Variants in COL23A1 observed in about 807,000 individuals in gnomAD.
COL23A1 encodes the protein collagen alpha-1(XXIII) chain.
Under a neutral mutation model 99.3 loss-of-function variants are expected in COL23A1, and 97 were observed. The observed-to-expected ratio is 0.98, with a 90% CI of 0.83 to 1.16. The LOEUF (loss-of-function observed/expected upper bound fraction) is 1.16, where lower values mean the gene tolerates loss of function less well. COL23A1 is among the 50% of genes most tolerant of loss of function. The probability of loss-of-function intolerance (pLI) is 0.00; values close to 1 mark genes in which losing one functional copy is unlikely to be tolerated. For synonymous variants in COL23A1, 320 were observed against 308.2 expected (o/e 1.04, Z -0.40); for missense variants, 762 against 757.4 (o/e 1.01, Z -0.07).
intron 2 of COL23A1, among the ~76,000 whole-genome samples, chr5:178,356,103 C>G: frequency 6.6e-6 from 1 of 152,272 alleles, no homozygotes; most frequent in East Asian, 1.9e-4. Flanking sequence ...CAGTGACAGA[C>G]GCAGGCACAG....
intron 5 of COL23A1, among the ~76,000 whole-genome samples, chr5:178,279,381 C>G (rs949392288): frequency 2.6e-5 from 4 of 152,228 alleles, no homozygotes; most frequent in Admixed American, 2.6e-4. Flanking sequence ...CCTTCCTGAC[C>G]GGAGGATGTG....
rs796874676 is a variant in COL23A1 at position 178,530,460 on chromosome 5, C to CA, written c.361+30221dup. Among the ~76,000 whole-genome samples the CA allele has an allele frequency of 2.3e-4, 35 of 150,184 alleles. 1 individual carries two copies. The highest frequency in any genetic ancestry group is 1.2e-3 in the East Asian group (6 of 5,144). ...CTGGGTGACAGAGAAAGACCTGTTTCAAAAAAAAAGGCAGAGTCTAACTTC... is the reference window on the plus strand; with the variant it reads ...CTGGGTGACAGAGAAAGACCTGTTTCAAAAAAAAAAGGCAGAGTCTAACTTC... On this transcript the variant is annotated intron_variant, in intron 2 of 28. Coordinates refer to ENST00000390654, the MANE Select transcript of COL23A1 (RefSeq NM_173465.4).
intron 2 of COL23A1, among the ~76,000 whole-genome samples, chr5:178,501,718 C>T (rs1758546467): frequency 6.6e-6 from 1 of 152,236 alleles, no homozygotes; most frequent in Admixed American, 6.5e-5. Context: ...AACACCCCTG[C>T]TGGGGTAGCC....
rs2127604887 is a variant in COL23A1, at chr5:178,307,105, C to T, written c.362-186G>A. ...AAACCCCTTCCTTCTGCCACTACCTCGCCTGTTCCGCCAACCCCCCTCCCC... is the reference window on the plus strand; with the variant it reads ...AAACCCCTTCCTTCTGCCACTACCTTGCCTGTTCCGCCAACCCCCCTCCCC... On this transcript the variant is annotated intron_variant, in intron 2 of 28. Transcript: ENST00000390654. This position sits in a 1 kb window ranked among gnomAD's most constrained non-coding sequence, Gnocchi z 4.2. Among the ~76,000 whole-genome samples the T allele has an allele frequency of 6.6e-6, 1 of 152,200 alleles. No homozygotes were observed. The highest frequency in any genetic ancestry group is 1.5e-5 in the Non-Finnish European group (1 of 67,998).
chr5:178,425,421 CAAAA>C (rs1371708104), intron 2 of COL23A1, among the ~76,000 whole-genome samples: 19 of 122,742 alleles, frequency 1.5e-4, no homozygotes, highest in South Asian at 2.6e-4. Context: ...GACTCCATCT[CAAAA>C]TAAATAAATA....
intron 2 of COL23A1, among the ~76,000 whole-genome samples, chr5:178,519,108 C>T (rs1759798640): frequency 6.6e-6 from 1 of 152,070 alleles, no homozygotes; most frequent in African/African-American, 2.4e-5. Flanking sequence ...GACCCCAGCC[C>T]GCGGCGCCTT....
At chr5:178,412,043 T>G (rs931145694) in intron 2 of COL23A1, among the ~76,000 whole-genome samples, 9 of 152,230 alleles carry the variant, frequency 5.9e-5, no homozygotes, top group Non-Finnish European at 1.0e-4. Flanking sequence ...AGTTTTTCCT[T>G]ATAAACACAC....
At chr5:178,353,065 A>G (rs1761418209) in intron 2 of COL23A1, among the ~76,000 whole-genome samples, 1 of 152,210 alleles carries the variant, frequency 6.6e-6, no homozygotes, top group African/African-American at 2.4e-5. Context: ...ATCCTCAGAT[A>G]TACTTCCACA....
At position 178,257,587 on chromosome 5, in the gene COL23A1, G is replaced by A. The variant is rs1399399971; in HGVS notation, c.730-20C>T. ...GTCGCCCTGAGGAGAGGACACCTGG[G>A]GCTTGCCGGTCAGACCCTCGGGTGG... On this transcript the variant is annotated intron_variant, in intron 12 of 28. Transcript: ENST00000390654. 1 of 1,552,936 alleles carries A rather than the reference G, an allele frequency of 6.4e-7. No individual in the cohort carries two copies. The highest frequency in any genetic ancestry group is 8.7e-7 in the Non-Finnish European group (1 of 1,148,312).
In COL23A1 at chr5:178,340,565, A is replaced by T. The variant is rs1192058783; in HGVS notation, c.362-33646T>A. Among the ~76,000 whole-genome samples, 2 of 152,142 alleles carry T rather than the reference A, an allele frequency of 1.3e-5. No homozygotes were observed. Among genetic ancestry groups the T allele is most frequent in the Admixed American group, 6.5e-5 (1 of 15,286 alleles). On this transcript the variant is annotated intron_variant, in intron 2 of 28. Coordinates refer to ENST00000390654, the MANE Select transcript of COL23A1 (RefSeq NM_173465.4). The surrounding 1 kb of genome is among the most constrained non-coding windows in gnomAD (Gnocchi z 4.7). Reference sequence around the variant, plus strand: ...CGAACCATCTAGGAATCTTGCGGAAATCCAGGGGCTGACGCAGAGGTCAGG... The same window carrying T: ...CGAACCATCTAGGAATCTTGCGGAATTCCAGGGGCTGACGCAGAGGTCAGG...
chr5:178,266,072 GCT>G (rs1755879139), intron 8 of COL23A1, among the ~76,000 whole-genome samples: 1 of 151,758 alleles, frequency 6.6e-6, no homozygotes, highest in South Asian at 2.1e-4. Context: ...AGACAGTCTC[GCT>G]CTGTCACCCA....
At chr5:178,519,902 T>C (rs1255888571) in intron 2 of COL23A1, among the ~76,000 whole-genome samples, 5 of 151,846 alleles carry the variant, frequency 3.3e-5, no homozygotes, top group African/African-American at 1.2e-4. Context: ...CATGGGTAGA[T>C]GGATGGATGA....
intron 17 of COL23A1, 64 bp downstream of exon 17, chr5:178,252,480 G>T: frequency 6.8e-7 from 1 of 1,473,584 alleles, no homozygotes; most frequent in African/African-American, 1.4e-5. Context: ...AGAGCAGACA[G>T]GAAGAGGGAG....
At chr5:178,527,180 G>T (rs1301227582) in intron 2 of COL23A1, among the ~76,000 whole-genome samples, 1 of 152,136 alleles carries the variant, frequency 6.6e-6, no homozygotes, top group Non-Finnish European at 1.5e-5. Flanking sequence ...AAGGCGGGGG[G>T]CCCTCGGTGA....
chr5:178,441,701 AGACGACACGGGGT>A (rs1315424104), intron 2 of COL23A1, among the ~76,000 whole-genome samples: 2 of 152,214 alleles, frequency 1.3e-5, no homozygotes, highest in Admixed American at 1.3e-4. Context: ...AACCCCTAAC[AGACGACACGGGGT>A]GACGACGCGG....
At chr5:178,345,334 T>C (rs1760902095) in intron 2 of COL23A1, 2 of 531,754 alleles carry the variant, frequency 3.8e-6, no homozygotes, top group Non-Finnish European at 6.9e-6. Context: ...AGAAACACAT[T>C]GAAATCATTT....
intron 1 of COL23A1, chr5:178,562,738 G>GTGGGC (rs1562093736): frequency 7.9e-6 from 1 of 127,138 alleles, no homozygotes; most frequent in African/African-American, 3.2e-5. Flanking sequence ...GCTGGTGGTG[G>GTGGGC]GGGGGGTGCG....
rs1031423771 is a variant in COL23A1 at position 178,313,301 on chromosome 5, A to G, written c.362-6382T>C. On this transcript the variant is annotated intron_variant, in intron 2 of 28. Transcript: ENST00000390654. This position sits in a 1 kb window ranked among gnomAD's most constrained non-coding sequence, Gnocchi z 4.2. Reference sequence around the variant, plus strand: ...GACGGGTGCGTGACAATGTGAACATACTGAATGCCACTCAAGTGTACACTT... The same window carrying G: ...GACGGGTGCGTGACAATGTGAACATGCTGAATGCCACTCAAGTGTACACTT... Among the ~76,000 whole-genome samples the G allele has an allele frequency of 2.0e-5, 3 of 152,176 alleles. No homozygotes were observed. Among genetic ancestry groups the G allele is most frequent in the African/African-American group, 7.2e-5 (3 of 41,430 alleles).
At chr5:178,337,279 T>C (rs1204763308) in intron 2 of COL23A1, among the ~76,000 whole-genome samples, 1 of 152,236 alleles carries the variant, frequency 6.6e-6, no homozygotes, top group East Asian at 1.9e-4. Flanking sequence ...TGCGTGTTCC[T>C]GTCCCGGTGA....
Sources: gnomAD v4.1 joint callset for allele counts (sites outside exome capture counted in the v4.1 genomes callset) on GRCh38, gnomAD v4.1.1 for gene constraint, Gnocchi (gnomAD v3.1) non-coding constraint, MANE v1.5 for transcripts, NCBI Gene and HGNC (gene_info 2026-07-23, HGNC 2026-07-21) for gene names.